The following MGAT5 variants were observed in gnomAD, a reference collection of about 807,000 sequenced individuals.
MGAT5 encodes alpha-1,6-mannosylglycoprotein 6-beta-N-acetylglucosaminyltransferase A.
A neutral mutation model predicts 94.3 loss-of-function variants in MGAT5; 30 were observed. The observed-to-expected ratio is 0.32, with a 90% CI of 0.24 to 0.43. The LOEUF is 0.43. Among genes scored for constraint, MGAT5 ranks in the 20% least tolerant of loss-of-function variants. MGAT5 has a pLI of 1.00. For synonymous variants in MGAT5, 310 were observed against 322.9 expected, an observed-to-expected ratio of 0.96 and a Z score of 0.43; for missense variants, 691 against 905.5, an observed-to-expected ratio of 0.76 and a Z score of 3.04.
chr2:134,406,478 G>A (rs1478197375), intron 11 of MGAT5, among the ~76,000 whole-genome samples: 2 of 152,188 alleles, frequency 1.3e-5, no homozygotes, highest in Non-Finnish European at 2.9e-5. Flanking sequence ...GGGCAGGCCT[G>A]GCAAATATGC....
chr2:134,153,096 G>A (rs773073590), intron 1 of MGAT5, among the ~76,000 whole-genome samples: 37 of 151,780 alleles, frequency 2.4e-4, no homozygotes, highest in Non-Finnish European at 8.8e-5. Flanking sequence ...AGTAGAGATG[G>A]GTTAGTAGAG....
chr2:134,270,449 C>T lies in MGAT5; in HGVS notation c.305C>T (p.Ser102Leu), dbSNP rs199721773. Residue 102 changes from serine (S) to leucine (L), a missense_variant, in exon 2 of 16, where the codon TCG becomes TTG. Coordinates refer to ENST00000281923, the MANE Select transcript of MGAT5 (RefSeq NM_002410.5). ...TTGCAGCGCATTGGCAAGTTGGAGT[C>T]GAAGGTGGACAATCTTGTTGTCAAT... ...NILQRIGKLE[S>L]KVDNLVVNGT... The T allele has an allele frequency of 8.7e-6, 14 of 1,614,150 alleles. 1 individual carries two copies. The highest frequency in any genetic ancestry group is 3.3e-4 in the Middle Eastern group (2 of 6,062).
At chr2:134,276,972 C>T (rs1684418740) in intron 2 of MGAT5, among the ~76,000 whole-genome samples, 1 of 152,134 alleles carries the variant, frequency 6.6e-6, no homozygotes, top group Non-Finnish European at 1.5e-5. Flanking sequence ...AGCTGGGTGA[C>T]TCATTATTGA....
chr2:134,221,151 G>A (rs189468305), intron 1 of MGAT5, among the ~76,000 whole-genome samples: 8 of 152,268 alleles, frequency 5.3e-5, no homozygotes, highest in East Asian at 3.9e-4. Flanking sequence ...ACCATGGCCC[G>A]TGACACAGCC....
chr2:134,297,372 AG>A (rs201497643), intron 2 of MGAT5, among the ~76,000 whole-genome samples: 2,759 of 152,244 alleles, frequency 0.018, 60 homozygotes, highest in East Asian at 0.13. Flanking sequence ...CATGAAATAT[AG>A]AAGGAGGGAA....
intron 10 of MGAT5, among the ~76,000 whole-genome samples, chr2:134,386,140 C>T (rs1003052126): frequency 1.3e-5 from 2 of 152,088 alleles, no homozygotes; most frequent in East Asian, 1.9e-4. Flanking sequence ...TTAAGGTGTG[C>T]GAAATTAGCT....
At chr2:134,440,346 C>T (rs1685415355) in intron 14 of MGAT5, among the ~76,000 whole-genome samples, 1 of 152,174 alleles carries the variant, frequency 6.6e-6, no homozygotes, top group Non-Finnish European at 1.5e-5. Context: ...GATTCCTGGT[C>T]GGGCCCACTG....
chr2:134,410,001 G>A (rs1302391688), intron 11 of MGAT5, among the ~76,000 whole-genome samples: 1 of 152,224 alleles, frequency 6.6e-6, no homozygotes, highest in Non-Finnish European at 1.5e-5. Context: ...ATCCTCATTA[G>A]ATTCTGGGCT....
chr2:134,448,558 C>T, intron 15 of MGAT5, 91 bp from the exon 16 acceptor site: 1 of 1,170,846 alleles, frequency 8.5e-7, no homozygotes, highest in Non-Finnish European at 1.3e-6. Context: ...AACATCCCCC[C>T]ATGCCTCAAG....
At chr2:134,135,207 G>A (rs1386855884) in intron 1 of MGAT5, among the ~76,000 whole-genome samples, 1 of 152,146 alleles carries the variant, frequency 6.6e-6, no homozygotes, top group Admixed American at 6.5e-5. Context: ...GTTTGAAATT[G>A]TGTTTAGGTA....
rs751088891 is a variant in MGAT5, at chr2:134,422,836, A to G, written c.1711A>G (p.Ile571Val). ...CCAGCATCCTTACGCTGAAGTTTTCATCGGGCGGCCACATGTGTGGACTGT... is the reference window on the plus strand; with the variant it reads ...CCAGCATCCTTACGCTGAAGTTTTCGTCGGGCGGCCACATGTGTGGACTGT... ...TSQHPYAEVF[I>V]GRPHVWTVDL... is the part of the protein sequence containing the mutation. The change falls in exon 13 of 16, where the codon ATC becomes GTC. Residue 571 changes from isoleucine (I) to valine (V), a missense_variant. Ile to Val is a conservative substitution (Grantham distance 29, BLOSUM62 3). Around this residue, in one of 4 missense-constraint regions of MGAT5, gnomAD observed 260 missense variants for 347.0 expected, o/e 0.75. Coordinates refer to ENST00000281923, the MANE Select transcript of MGAT5 (RefSeq NM_002410.5). The G allele has an allele frequency of 1.2e-6, 2 of 1,613,928 alleles. No individual in the cohort carries two copies. The highest frequency in any genetic ancestry group is 1.1e-5 in the South Asian group (1 of 91,086).
chr2:134,224,735 C>T (rs575625977), intron 1 of MGAT5, among the ~76,000 whole-genome samples: 11 of 152,120 alleles, frequency 7.2e-5, no homozygotes, highest in South Asian at 4.1e-4. Flanking sequence ...GCTAATAGAC[C>T]GTTAGACGCT....
chr2:134,135,595 G>A (rs1365131840), intron 1 of MGAT5, among the ~76,000 whole-genome samples: 1 of 150,650 alleles, frequency 6.6e-6, no homozygotes, highest in Non-Finnish European at 1.5e-5. Context: ...GGGAGGCAGA[G>A]GCAGGAGAAT....
At chr2:134,325,895 C>G (rs1343449665) in intron 4 of MGAT5, among the ~76,000 whole-genome samples, 2 of 152,060 alleles carry the variant, frequency 1.3e-5, no homozygotes, top group Non-Finnish European at 2.9e-5. Flanking sequence ...TAACCTGGCT[C>G]TTTGCCCCCT....
intron 1 of MGAT5, among the ~76,000 whole-genome samples, chr2:134,133,505 A>G (rs532401345): frequency 6.6e-6 from 1 of 152,368 alleles, no homozygotes; most frequent in South Asian, 2.1e-4. Flanking sequence ...TGAGAATGGA[A>G]TCAAAATAAA....
intron 14 of MGAT5, among the ~76,000 whole-genome samples, chr2:134,431,859 C>T (rs1483665082): frequency 6.6e-6 from 1 of 152,198 alleles, no homozygotes; most frequent in African/African-American, 2.4e-5. Flanking sequence ...AGCAGGAAAC[C>T]CACCTCATAC....
At chr2:134,162,876 G>T (rs1270284654) in intron 1 of MGAT5, among the ~76,000 whole-genome samples, 4 of 152,182 alleles carry the variant, frequency 2.6e-5, no homozygotes, top group Non-Finnish European at 5.9e-5. Context: ...GATGTTAAGT[G>T]CCTTGCAAAC....
At chr2:134,382,636 G>T (rs1681705337) in intron 10 of MGAT5, among the ~76,000 whole-genome samples, 1 of 152,150 alleles carries the variant, frequency 6.6e-6, no homozygotes, top group African/African-American at 2.4e-5. Context: ...TAATTCTTGG[G>T]CGTTCCAGGA....
chr2:134,449,723 G>A lies in MGAT5; in HGVS notation c.*876G>A, dbSNP rs1484272882. 3 of 152,208 alleles carry A rather than the reference G, an allele frequency of 2.0e-5. No individual in the cohort carries two copies. The highest frequency in any genetic ancestry group is 2.1e-4 in the South Asian group (1 of 4,834). 9.4% of individuals were successfully genotyped at this position (152,208 alleles called of 1,614,324 possible). On this transcript the variant is annotated 3_prime_UTR_variant, in exon 16 of 16. Coordinates refer to ENST00000281923, the MANE Select transcript of MGAT5 (RefSeq NM_002410.5). ...GTAAACTCACCCTCCCTCCAGCCCC[G>A]CTATGAGGAGGAAAGTAGAGATGAA...
Sources: allele counts gnomAD v4.1 joint callset (sites outside exome capture counted in the v4.1 genomes callset), GRCh38; gene constraint gnomAD v4.1.1; regional missense constraint gnomAD v4.1.1; transcripts MANE v1.5; gene names NCBI Gene and HGNC (gene_info 2026-07-23, HGNC 2026-07-21).